Variants in SFMBT1 observed in about 807,000 individuals in gnomAD.
SFMBT1 encodes scm-like with four MBT domains protein 1.
A neutral mutation model predicts 108.7 loss-of-function variants in SFMBT1; 32 were observed. The ratio of observed to expected loss-of-function variants is 0.29; its 90% confidence interval spans 0.22 to 0.40. The LOEUF (loss-of-function observed/expected upper bound fraction) is 0.40. SFMBT1 is among the 10% of genes least tolerant of loss of function. The pLI, the probability that SFMBT1 is intolerant of heterozygous loss-of-function variation, is 1.00. For missense variants in SFMBT1, 816 were observed against 1,059.6 expected, an observed-to-expected ratio of 0.77 and a Z score of 3.19; for synonymous variants, 348 against 369.5, an observed-to-expected ratio of 0.94 and a Z score of 0.67.
chr3:52,907,515 T>G, intron 18 of SFMBT1, 40 bp downstream of exon 18: 3 of 1,589,188 alleles, frequency 1.9e-6, no homozygotes, highest in Non-Finnish European at 2.6e-6. Flanking sequence ...CAGTGGTCAC[T>G]TGGCTTCAAG....
At position 53,002,417 on chromosome 3, in the gene SFMBT1, A is replaced by AG. The variant is rs1213381177; in HGVS notation, c.-130-33160_-130-33159insC. Among the ~76,000 whole-genome samples, 57 of 148,370 alleles carry AG rather than the reference A, an allele frequency of 3.8e-4. 2 individuals carry two copies. Among genetic ancestry groups the AG allele is most frequent in the East Asian group, 2.6e-3 (13 of 5,056 alleles). Reference sequence around the variant, plus strand: ...CCGTCTCAATAAAAAAAAAAAAAAAAAAAGAAATCACCCAGCCCAGTATCT... The same window carrying AG: ...CCGTCTCAATAAAAAAAAAAAAAAAAGAAAGAAATCACCCAGCCCAGTATCT... On this transcript the variant is annotated intron_variant, in intron 1 of 20. Coordinates refer to ENST00000394752, the MANE Select transcript of SFMBT1 (RefSeq NM_016329.4).
At chr3:53,008,930 C>T (rs933715852) in intron 1 of SFMBT1, among the ~76,000 whole-genome samples, 53 of 151,638 alleles carry the variant, frequency 3.5e-4, no homozygotes, top group African/African-American at 6.0e-4. Flanking sequence ...CCACCGTGCC[C>T]GGCCGGAAGA....
At chr3:52,907,394 G>A in intron 18 of SFMBT1, 80 bp from the exon 19 acceptor site, 1 of 1,526,360 alleles carries the variant, frequency 6.6e-7, no homozygotes, top group Admixed American at 2.2e-5. Flanking sequence ...AAATAATAAA[G>A]AAAGAAAAGA....
intron 1 of SFMBT1, among the ~76,000 whole-genome samples, chr3:53,027,057 A>G (rs1268748420): frequency 4.6e-5 from 7 of 152,228 alleles, no homozygotes; most frequent in African/African-American, 1.4e-4. Context: ...TGCTAGGATT[A>G]TAGGCATGAC....
At chr3:52,952,623 G>A (rs1315637596) in intron 3 of SFMBT1, among the ~76,000 whole-genome samples, 1 of 152,114 alleles carries the variant, frequency 6.6e-6, no homozygotes, top group South Asian at 2.1e-4. Flanking sequence ...ATCTGGTGAG[G>A]GTTCACTTTC....
chr3:52,960,605 A>T (rs1703927475), intron 2 of SFMBT1, among the ~76,000 whole-genome samples: 1 of 147,656 alleles, frequency 6.8e-6, no homozygotes, highest in African/African-American at 2.5e-5. Context: ...AAATATTTTT[A>T]ATTATCATAT....
intron 10 of SFMBT1, 41 bp from the exon 11 acceptor site, chr3:52,921,872 C>G: frequency 1.2e-6 from 2 of 1,606,618 alleles, no homozygotes; most frequent in Non-Finnish European, 1.7e-6. Context: ...TGGATTAACA[C>G]AGTATTAACT....
intron 4 of SFMBT1, among the ~76,000 whole-genome samples, chr3:52,938,458 T>C (rs978097061): frequency 6.6e-6 from 1 of 152,196 alleles, no homozygotes; most frequent in African/African-American, 2.4e-5. Flanking sequence ...ATTACCTTTA[T>C]ATAACACTTT....
At chr3:52,997,053 A>G (rs1698360829) in intron 1 of SFMBT1, among the ~76,000 whole-genome samples, 1 of 149,496 alleles carries the variant, frequency 6.7e-6, no homozygotes, top group African/African-American at 2.4e-5. Context: ...TGGGCGACTG[A>G]GCGAGACTCA....
At chr3:52,982,869 TAGA>T (rs1704765745) in intron 1 of SFMBT1, among the ~76,000 whole-genome samples, 1 of 148,554 alleles carries the variant, frequency 6.7e-6, no homozygotes, top group Non-Finnish European at 1.5e-5. Flanking sequence ...GAAGAAGATG[TAGA>T]AGAAGCAGTG....
chr3:52,992,987 A>T (rs1181722320), intron 1 of SFMBT1, among the ~76,000 whole-genome samples: 1 of 152,208 alleles, frequency 6.6e-6, no homozygotes, highest in Non-Finnish European at 1.5e-5. Context: ...ATAGAATTGG[A>T]GTCTCAGCAC....
At chr3:52,982,751 A>AAAAAAAAAAAAAAC (rs1704758820) in intron 1 of SFMBT1, among the ~76,000 whole-genome samples, 1 of 149,456 alleles carries the variant, frequency 6.7e-6, no homozygotes. Context: ...AAAAAAAAAA[A>AAAAAAAAAAAAAAC]AAGATATAGA....
At position 52,907,611 on chromosome 3, in the gene SFMBT1, G is replaced by C. The variant is rs763922711; in HGVS notation, c.2029C>G (p.His677Asp). ...GATGCAGAGGAGCGTTTCTTCTTAT[G>C]AACAAAAACATTTTTCCGCCTCTTT... ...RRKRRKNVFV[H>D]KKKRSSASVD... Residue 677 changes from histidine (H) to aspartate (D), a missense_variant, in exon 18 of 21, where the codon CAT becomes GAT. By Grantham distance (81) the His-to-Asp change is moderately conservative (BLOSUM62 -1). Around this residue, in one of 5 missense-constraint regions of SFMBT1, gnomAD observed 177 missense variants for 182.0 expected, o/e 0.97. Transcript: ENST00000394752. 21 of 1,613,986 alleles carry C rather than the reference G, an allele frequency of 1.3e-5. No homozygotes were observed. Among genetic ancestry groups the C allele is most frequent in the Non-Finnish European group, 8.5e-7 (1 of 1,180,014 alleles).
chr3:52,944,417 C>G (rs996211879), intron 3 of SFMBT1, among the ~76,000 whole-genome samples: 1 of 152,138 alleles, frequency 6.6e-6, no homozygotes, highest in African/African-American at 2.4e-5. Flanking sequence ...ATGGAGACAA[C>G]CATACACATG....
At chr3:52,925,315 A>G (rs1028078961) in intron 10 of SFMBT1, among the ~76,000 whole-genome samples, 1 of 152,362 alleles carries the variant, frequency 6.6e-6, no homozygotes, top group South Asian at 2.1e-4. Flanking sequence ...AAAAATTGTA[A>G]TATAACTCTA....
intron 2 of SFMBT1, among the ~76,000 whole-genome samples, chr3:52,964,290 C>T (rs1230728363): frequency 6.6e-6 from 1 of 152,190 alleles, no homozygotes; most frequent in Non-Finnish European, 1.5e-5. Context: ...GCAGGAAGAT[C>T]ACTTGAAGCC....
At chr3:52,935,950 C>A (rs951572109) in intron 4 of SFMBT1, among the ~76,000 whole-genome samples, 5 of 152,046 alleles carry the variant, frequency 3.3e-5, no homozygotes, top group African/African-American at 1.2e-4. Flanking sequence ...CTGTGGTGAC[C>A]AGTTGTTCTA....
At chr3:52,911,201 G>A in intron 16 of SFMBT1, 23 bp from the exon 17 acceptor site, 1 of 1,576,478 alleles carries the variant, frequency 6.3e-7, no homozygotes, top group Non-Finnish European at 8.6e-7. Context: ...GACATCAGAT[G>A]CCAAATATAT....
intron 10 of SFMBT1, among the ~76,000 whole-genome samples, chr3:52,924,262 T>C (rs1157387571): frequency 1.3e-5 from 2 of 152,178 alleles, no homozygotes; most frequent in East Asian, 3.9e-4. Context: ...GAGGAGGCCA[T>C]GAGATCTCTA....
Sources: allele counts gnomAD v4.1 joint callset (sites outside exome capture counted in the v4.1 genomes callset), GRCh38; gene constraint gnomAD v4.1.1; regional missense constraint gnomAD v4.1.1; transcripts MANE v1.5; gene names NCBI Gene and HGNC (gene_info 2026-07-23, HGNC 2026-07-21).